The following KCNMA1 variants were observed in gnomAD, a reference collection of about 807,000 sequenced individuals.
The protein encoded by KCNMA1 is potassium calcium-activated channel subfamily M alpha 1, also known as Calcium-activated potassium channel subunit alpha-1.
KCNMA1 carries 29 observed loss-of-function variants against 140.0 expected under a neutral mutation model. The ratio of observed to expected loss-of-function variants is 0.21; its 90% confidence interval spans 0.15 to 0.28. The LOEUF (loss-of-function observed/expected upper bound fraction) is 0.28, where lower values mean the gene tolerates loss of function less well. Among genes scored for constraint, KCNMA1 ranks in the 10% least tolerant of loss-of-function variants. KCNMA1 has a pLI of 1.00. For synonymous variants in KCNMA1, 612 were observed against 611.9 expected, an observed-to-expected ratio of 1.00 and a Z score of 0.00; for missense variants, 880 against 1,602.2, an observed-to-expected ratio of 0.55 and a Z score of 7.70.
At chr10:77,623,276 C>T (rs1054795352) in intron 1 of KCNMA1, among the ~76,000 whole-genome samples, 6 of 152,102 alleles carry the variant, frequency 3.9e-5, no homozygotes, top group South Asian at 2.1e-4. Flanking sequence ...TTGCCTGTCA[C>T]GGGAAAATGA....
chr10:77,599,471 T>C (rs2081962528), intron 1 of KCNMA1, among the ~76,000 whole-genome samples: 1 of 152,160 alleles, frequency 6.6e-6, no homozygotes, highest in South Asian at 2.1e-4. Flanking sequence ...GGTATTGCGC[T>C]GGCTCTGACC....
intron 3 of KCNMA1, among the ~76,000 whole-genome samples, chr10:77,205,092 C>A (rs142604392): frequency 1.2e-4 from 19 of 152,262 alleles, no homozygotes; most frequent in Admixed American, 1.1e-3. Context: ...ATAGTTAAAC[C>A]CTTCTCTGCT....
intron 2 of KCNMA1, among the ~76,000 whole-genome samples, chr10:77,264,713 C>T (rs902394994): frequency 1.5e-4 from 23 of 152,142 alleles, no homozygotes; most frequent in African/African-American, 5.6e-4. Flanking sequence ...TGAGGAGAAC[C>T]TTCATCCTTT....
chr10:76,874,346 T>C (rs968810337), downstream of KCNMA1: 2 of 152,136 alleles, frequency 1.3e-5, no homozygotes, highest in African/African-American at 2.4e-5. Context: ...TGCATGGGCT[T>C]AGCCAAGGAG....
At chr10:77,018,029 C>A (rs951310678) in intron 17 of KCNMA1, among the ~76,000 whole-genome samples, 1 of 152,144 alleles carries the variant, frequency 6.6e-6, no homozygotes, top group Non-Finnish European at 1.5e-5. Context: ...CCACTCTGGG[C>A]TCCACCACTT....
At chr10:77,100,937 C>T (rs2097082526) in intron 9 of KCNMA1, among the ~76,000 whole-genome samples, 3 of 151,844 alleles carry the variant, frequency 2.0e-5, no homozygotes, top group Non-Finnish European at 4.4e-5. Context: ...AGTTCATCTC[C>T]CACCTACATT....
intron 2 of KCNMA1, among the ~76,000 whole-genome samples, 161 bp from the exon 3 acceptor site, chr10:77,251,417 G>A (rs1294391969): frequency 6.6e-6 from 1 of 152,096 alleles, no homozygotes; most frequent in East Asian, 1.9e-4. Context: ...ACTGCTTCAG[G>A]TTTGGCTCTT....
At chr10:77,313,046 C>T (rs1445989965) in intron 2 of KCNMA1, among the ~76,000 whole-genome samples, 2 of 152,228 alleles carry the variant, frequency 1.3e-5, no homozygotes, top group Non-Finnish European at 2.9e-5. Context: ...CTTCTGAGGA[C>T]TTCCTGTTGC....
chr10:77,254,467 C>A lies in KCNMA1; in HGVS notation c.541-3211G>T, dbSNP rs376627125. 2.7e-4 allele frequency among the ~76,000 whole-genome samples: 41 copies of A among 152,232 alleles called. 1 individual carries two copies. Among genetic ancestry groups the A allele is most frequent in the African/African-American group, 9.1e-4 (38 of 41,536 alleles). On this transcript the variant is annotated intron_variant, in intron 2 of 27. Coordinates refer to ENST00000286628, the MANE Select transcript of KCNMA1 (RefSeq NM_001161352.2). ...CAAACTCCTGACCTCAAGTGAACCACCTGGCTCAGCCTCCCCAAGTGTTGG... is the reference window on the plus strand; with the variant it reads ...CAAACTCCTGACCTCAAGTGAACCAACTGGCTCAGCCTCCCCAAGTGTTGG...
intron 22 of KCNMA1, 90 bp from the exon 23 acceptor site, chr10:76,945,055 A>C: frequency 9.3e-7 from 1 of 1,072,634 alleles, no homozygotes; most frequent in Non-Finnish European, 1.4e-6. Flanking sequence ...AGGAGAGGGA[A>C]AGAGGAAAAC....
intron 1 of KCNMA1, among the ~76,000 whole-genome samples, chr10:77,422,708 G>T (rs1225211373): frequency 6.6e-6 from 1 of 152,142 alleles, no homozygotes; most frequent in African/African-American, 2.4e-5. Context: ...CAATATGACT[G>T]GTGTCCCTAG....
intron 18 of KCNMA1, among the ~76,000 whole-genome samples, chr10:77,002,647 A>G (rs1279646195): frequency 6.6e-6 from 1 of 152,184 alleles, no homozygotes; most frequent in African/African-American, 2.4e-5. Flanking sequence ...CTGAGTGGTA[A>G]CCTATAAAAG....
intron 3 of KCNMA1, among the ~76,000 whole-genome samples, chr10:77,227,220 T>A (rs1053886348): frequency 1.3e-5 from 2 of 152,182 alleles, no homozygotes; most frequent in Non-Finnish European, 2.9e-5. Context: ...CCTGCTTTTT[T>A]AAAAATACAA....
chr10:77,382,992 GTGTATATATATATATATATA>G (rs1319743348), intron 2 of KCNMA1, among the ~76,000 whole-genome samples: 140 of 44,482 alleles, frequency 3.1e-3, no homozygotes, highest in African/African-American at 6.6e-3. Flanking sequence ...GTGTGTGTGT[GTGTATATATATATATATATA>G]TATATATATA....
At chr10:76,970,232 C>G in intron 19 of KCNMA1, 165 bp from the exon 20 acceptor site, 1 of 678,028 alleles carries the variant, frequency 1.5e-6, no homozygotes, top group South Asian at 1.5e-5. Context: ...GTCAAAGAGG[C>G]CGGCTTAGAG....
At chr10:77,169,369 GTTTAA>G (rs951536336) in intron 5 of KCNMA1, among the ~76,000 whole-genome samples, 17 of 152,014 alleles carry the variant, frequency 1.1e-4, no homozygotes, top group Middle Eastern at 3.4e-3. Context: ...TTTTTTGTTT[GTTTAA>G]TTTAATTTAA....
chr10:76,918,827 A>G (rs1169646885), intron 23 of KCNMA1, among the ~76,000 whole-genome samples: 2 of 152,104 alleles, frequency 1.3e-5, no homozygotes, highest in Non-Finnish European at 1.5e-5. Context: ...TTGCAAAACC[A>G]TGGAACTAAC....
chr10:77,606,422 G>C (rs1321337823), intron 1 of KCNMA1, among the ~76,000 whole-genome samples: 1 of 152,120 alleles, frequency 6.6e-6, no homozygotes, highest in African/African-American at 2.4e-5. Context: ...GCTTGAGGCT[G>C]GGAGTTCAAG....
At chr10:77,182,644 A>G (rs529480470) in intron 5 of KCNMA1, among the ~76,000 whole-genome samples, 1 of 152,318 alleles carries the variant, frequency 6.6e-6, no homozygotes, top group South Asian at 2.1e-4. Context: ...ATAAGGACAG[A>G]AGGAACCCAC....
Sources: allele counts gnomAD v4.1 joint callset (sites outside exome capture counted in the v4.1 genomes callset), GRCh38; gene constraint gnomAD v4.1.1; transcripts MANE v1.5; gene names NCBI Gene and HGNC (gene_info 2026-07-23, HGNC 2026-07-21).